IPCEF1: variants seen among roughly 807,000 people sequenced by gnomAD.
The protein encoded by IPCEF1 is interactor protein for cytohesin exchange factors 1.
In IPCEF1, 31 loss-of-function variants were observed where a neutral mutation model predicts 50.9. That is an observed-to-expected ratio of 0.61 (90% confidence interval 0.46 to 0.82). The LOEUF (loss-of-function observed/expected upper bound fraction) is 0.82. Ranked by LOEUF, IPCEF1 falls within the 40% of genes least tolerant of loss-of-function variation. The probability of loss-of-function intolerance (pLI) is 0.00; values close to 1 mark genes in which losing one functional copy is unlikely to be tolerated. For missense variants in IPCEF1, 458 were observed against 514.0 expected, an observed-to-expected ratio of 0.89 and a Z score of 1.05; for synonymous variants, 181 against 192.0, an observed-to-expected ratio of 0.94 and a Z score of 0.47.
intron 1 of IPCEF1, among the ~76,000 whole-genome samples, chr6:154,317,420 G>C (rs925956475): frequency 1.3e-5 from 2 of 151,416 alleles, no homozygotes; most frequent in African/African-American, 4.9e-5. Context: ...ATGGTGGCAG[G>C]CTCCTGTAAT....
chr6:154,164,645 TCA>T (rs1332761225), intron 11 of IPCEF1, among the ~76,000 whole-genome samples: 1 of 152,170 alleles, frequency 6.6e-6, no homozygotes, highest in East Asian at 1.9e-4. Flanking sequence ...CTCCAAATAG[TCA>T]GTGTGTGGCT....
intron 1 of IPCEF1, among the ~76,000 whole-genome samples, chr6:154,330,915 A>T (rs895847470): frequency 1.3e-5 from 2 of 152,196 alleles, no homozygotes; most frequent in African/African-American, 4.8e-5. Context: ...TGGAGGAGGT[A>T]GCTAGGCAGA....
At chr6:154,355,788 A>T (rs1204168576) in intron 1 of IPCEF1, among the ~76,000 whole-genome samples, 6 of 150,364 alleles carry the variant, frequency 4.0e-5, no homozygotes, top group Non-Finnish European at 8.9e-5. Context: ...CGCACCCGGC[A>T]TTCTATTTTC....
At chr6:154,185,956 C>G (rs772545773) in intron 10 of IPCEF1, among the ~76,000 whole-genome samples, 29 of 152,218 alleles carry the variant, frequency 1.9e-4, no homozygotes. Context: ...AATAACGACC[C>G]TTTTGGTTCC....
intron 10 of IPCEF1, among the ~76,000 whole-genome samples, chr6:154,187,948 TTCACTC>T (rs1801530447): frequency 6.6e-6 from 1 of 152,192 alleles, no homozygotes; most frequent in Admixed American, 6.5e-5. Flanking sequence ...ACAGAAACCT[TTCACTC>T]TGAGATCAAG....
At chr6:154,285,436 A>G (rs2128666284) in intron 2 of IPCEF1, among the ~76,000 whole-genome samples, 1 of 152,300 alleles carries the variant, frequency 6.6e-6, no homozygotes, top group African/African-American at 2.4e-5. Flanking sequence ...ATCATTCTTG[A>G]AATTGGATTC....
intron 1 of IPCEF1, among the ~76,000 whole-genome samples, chr6:154,309,388 G>T (rs1291276503): frequency 6.6e-6 from 1 of 152,122 alleles, no homozygotes; most frequent in East Asian, 1.9e-4. Flanking sequence ...CTCACAACAT[G>T]TGTTTAATGA....
At chr6:154,271,846 G>A (rs1781909450) in intron 2 of IPCEF1, among the ~76,000 whole-genome samples, 1 of 152,132 alleles carries the variant, frequency 6.6e-6, no homozygotes, top group Admixed American at 6.5e-5. Flanking sequence ...AATTAGCAGG[G>A]TATGGTGATG....
At position 154,218,310 on chromosome 6, in the gene IPCEF1, G is replaced by A. The variant is rs545995907; in HGVS notation, c.392+2947C>T. On this transcript the variant is annotated intron_variant, in intron 7 of 11. Transcript: ENST00000367220. The stretch of plus-strand genomic sequence containing the variant: ...ACAGTGTCTGAGAAAGGCAGCTCCC[G>A]TCTTTGCTGAGAAACGAACTCTTTC... 5.9e-5 allele frequency among the ~76,000 whole-genome samples: 9 copies of A among 152,312 alleles called. No individual in the cohort carries two copies. In the South Asian group the frequency reaches 1.5e-3, roughly 25 times the overall value.
At chr6:154,174,026 T>A (rs1245177608) in intron 10 of IPCEF1, among the ~76,000 whole-genome samples, 1 of 152,176 alleles carries the variant, frequency 6.6e-6, no homozygotes, top group Non-Finnish European at 1.5e-5. Flanking sequence ...TTCAACATTC[T>A]TAAAGGAAAG....
intron 9 of IPCEF1, among the ~76,000 whole-genome samples, chr6:154,207,493 CTTG>C (rs1446582605): frequency 6.6e-6 from 1 of 152,030 alleles, no homozygotes; most frequent in East Asian, 1.9e-4. Flanking sequence ...CAAGATATGT[CTTG>C]TTAAGATTAA....
At chr6:154,298,675 A>C (rs1382888180) in intron 1 of IPCEF1, among the ~76,000 whole-genome samples, 2 of 152,164 alleles carry the variant, frequency 1.3e-5, no homozygotes, top group Middle Eastern at 3.2e-3. Flanking sequence ...TAGGTTACCA[A>C]CATTATGGCT....
intron 3 of IPCEF1, among the ~76,000 whole-genome samples, chr6:154,255,744 A>G (rs1331118782): frequency 6.6e-6 from 1 of 152,050 alleles, no homozygotes; most frequent in African/African-American, 2.4e-5. Flanking sequence ...GTCTTATATC[A>G]GTTTTTCAAA....
chr6:154,215,469 G>A (rs1778320448), intron 7 of IPCEF1, among the ~76,000 whole-genome samples: 1 of 152,048 alleles, frequency 6.6e-6, no homozygotes, highest in South Asian at 2.1e-4. Flanking sequence ...AGCCGGGTGT[G>A]GTGGCGGAAG....
chr6:154,309,492 A>G (rs556634726), intron 1 of IPCEF1, among the ~76,000 whole-genome samples: 1 of 152,282 alleles, frequency 6.6e-6, no homozygotes, highest in South Asian at 2.1e-4. Context: ...CGTTCTTCAC[A>G]GAGCTGTTAG....
At chr6:154,255,108 T>C (rs1387989667) in intron 3 of IPCEF1, among the ~76,000 whole-genome samples, 1 of 152,196 alleles carries the variant, frequency 6.6e-6, no homozygotes, top group African/African-American at 2.4e-5. Flanking sequence ...ATTTAAGTTA[T>C]TATTTCTCAA....
chr6:154,279,159 G>C (rs1393533590), intron 2 of IPCEF1, among the ~76,000 whole-genome samples: 1 of 151,110 alleles, frequency 6.6e-6, no homozygotes, highest in African/African-American at 2.4e-5. Context: ...TAAGAAGGTT[G>C]CTAGCTACAA....
chr6:154,221,782 G>A (rs1325563577), intron 6 of IPCEF1, among the ~76,000 whole-genome samples: 2 of 152,134 alleles, frequency 1.3e-5, no homozygotes, highest in Non-Finnish European at 2.9e-5. Flanking sequence ...GCTGAGGCAG[G>A]AGAATGGCAT....
intron 2 of IPCEF1, among the ~76,000 whole-genome samples, chr6:154,285,483 A>C (rs1329781602): frequency 2.0e-5 from 3 of 152,186 alleles, no homozygotes; most frequent in African/African-American, 7.2e-5. Context: ...TTTTGAGCTA[A>C]AATTTAAAAA....
Sources: gnomAD v4.1 joint callset for allele counts (sites outside exome capture counted in the v4.1 genomes callset) on GRCh38, gnomAD v4.1.1 for gene constraint, MANE v1.5 for transcripts, NCBI Gene and HGNC (gene_info 2026-07-23, HGNC 2026-07-21) for gene names.